Variants in WDPCP observed in about 807,000 individuals in gnomAD.
The protein encoded by WDPCP is WD repeat containing planar cell polarity effector.
WDPCP carries 71 observed loss-of-function variants against 93.1 expected under a neutral mutation model. That is an observed-to-expected ratio of 0.76 (90% CI 0.63 to 0.93). The LOEUF is 0.93. WDPCP is among the 40% of genes least tolerant of loss of function. WDPCP has a pLI of 0.00. For synonymous variants in WDPCP, 315 were observed against 315.0 expected (o/e 1.00, Z 0.00); for missense variants, 844 against 887.4 (o/e 0.95, Z 0.62).
chr2:63,531,224 C>T (rs560544446), intron 1 of WDPCP, among the ~76,000 whole-genome samples: 24 of 152,328 alleles, frequency 1.6e-4, no homozygotes, highest in African/African-American at 4.6e-4. Flanking sequence ...CACACCTCAA[C>T]GAGGCCTGCC....
At chr2:63,448,810 GT>G (rs1460124993) in intron 6 of WDPCP, among the ~76,000 whole-genome samples, 2 of 152,086 alleles carry the variant, frequency 1.3e-5, no homozygotes, top group African/African-American at 4.8e-5. Flanking sequence ...ATCTAAAAAA[GT>G]AAAACTCATA....
intron 14 of WDPCP, among the ~76,000 whole-genome samples, chr2:63,189,365 C>T (rs554344307): frequency 2.6e-5 from 4 of 152,308 alleles, no homozygotes; most frequent in African/African-American, 9.6e-5. Flanking sequence ...CTCTCTTACC[C>T]TCTCAGGCAC....
chr2:63,697,326 C>T lies in WDPCP; in HGVS notation n.309-46488G>A, dbSNP rs199910755. Among the ~76,000 whole-genome samples, 12 of 152,250 alleles carry T rather than the reference C, an allele frequency of 7.9e-5. No individual in the cohort carries two copies. The East Asian group carries it at 1.9e-3, about 24-fold the overall frequency. ...CAGAAATTATTTCAGTTAAAGGACA[C>T]GCCCAAGGGTCACACGGTAAGTGAT... is the stretch of plus-strand genomic sequence containing the variant. On this transcript the variant is annotated intron_variant and non_coding_transcript_variant, in intron 2 of 4. Coordinates refer to the WDPCP transcript ENST00000467687.
rs138354919 is a variant in WDPCP, at chr2:63,190,503, T to C, written c.1916-15671A>G. Among the ~76,000 whole-genome samples the C allele has an allele frequency of 4.8e-3, 727 of 152,158 alleles. 5 individuals carry two copies. Among genetic ancestry groups the C allele is most frequent in the Middle Eastern group, 0.01 (3 of 290 alleles). On this transcript the variant is annotated intron_variant, in intron 14 of 17. Transcript: ENST00000272321. ...GCTAAAGGACATATTTTGGGTCCTT[T>C]ATATTTGTAAATATGTTTAAATTGT...
intron 2 of WDPCP, among the ~76,000 whole-genome samples, chr2:63,810,639 A>T (rs984146485): frequency 6.6e-6 from 1 of 152,186 alleles, no homozygotes; most frequent in Non-Finnish European, 1.5e-5. Flanking sequence ...GAAACCAGGC[A>T]AGTACCAAAT....
At position 63,446,276 on chromosome 2, in the gene WDPCP, G is replaced by A. The variant is rs191643003; in HGVS notation, c.385-6405C>T. ...GGTGAGTGGGCAAGCATTACCGCCT[G>A]AGCTCTACCCCCTGTCAGATCAGCT... On this transcript the variant is annotated intron_variant, in intron 6 of 17. Coordinates refer to ENST00000272321, the MANE Select transcript of WDPCP (RefSeq NM_015910.7). Among the ~76,000 whole-genome samples the A allele has an allele frequency of 3.6e-3, 547 of 152,252 alleles. 4 individuals are homozygous for A. The highest frequency in any genetic ancestry group is 0.013 in the African/African-American group (531 of 41,546).
intron 2 of WDPCP, among the ~76,000 whole-genome samples, chr2:63,758,869 C>G (rs1410218546): frequency 1.3e-5 from 2 of 152,058 alleles, no homozygotes; most frequent in Non-Finnish European, 2.9e-5. Flanking sequence ...CCTCAGACTC[C>G]CGAGTTCAAG....
At chr2:63,416,146 G>T (rs1283972973) in intron 9 of WDPCP, among the ~76,000 whole-genome samples, 1 of 150,340 alleles carries the variant, frequency 6.7e-6, no homozygotes, top group Non-Finnish European at 1.5e-5. Flanking sequence ...TTATATAGAA[G>T]ATAAAAAGGA....
At chr2:63,591,648 A>G (rs1212034265), upstream of WDPCP, among the ~76,000 whole-genome samples, 1 of 152,178 alleles carries the variant, frequency 6.6e-6, no homozygotes, top group Non-Finnish European at 1.5e-5. Context: ...ATCTGTTCAT[A>G]CTTTATACCC....
chr2:63,698,422 C>T (rs554869670), intron 2 of WDPCP, among the ~76,000 whole-genome samples: 1 of 152,268 alleles, frequency 6.6e-6, no homozygotes, highest in South Asian at 2.1e-4. Flanking sequence ...ACTTCAAACT[C>T]ATTAATGCGT....
rs185239315 is a variant in WDPCP, at chr2:63,827,408, T to C, written n.222+214A>G. On this transcript the variant is annotated intron_variant and non_coding_transcript_variant, in intron 1 of 4. Transcript: ENST00000467687. ...TCAAACCAGTGCACAGGTTTTATGG[T>C]CTCCTATACATGTTGATTGCATATT... Among the ~76,000 whole-genome samples, 19 of 152,278 alleles carry C rather than the reference T, an allele frequency of 1.2e-4. No homozygotes were observed. In the East Asian group the frequency reaches 1.7e-3, roughly 14 times the overall value.
At chr2:63,261,437 T>C (rs1433872537) in intron 13 of WDPCP, among the ~76,000 whole-genome samples, 1 of 152,162 alleles carries the variant, frequency 6.6e-6, no homozygotes, top group Admixed American at 6.5e-5. Flanking sequence ...TTGAATATAC[T>C]CAATTAAAAG....
chr2:63,679,314 T>C (rs1353442484), intron 2 of WDPCP, among the ~76,000 whole-genome samples: 1 of 152,176 alleles, frequency 6.6e-6, no homozygotes, highest in African/African-American at 2.4e-5. Flanking sequence ...TTAATCTGTC[T>C]TCTACATTCT....
intron 3 of WDPCP, chr2:63,605,012 C>A: frequency 1.2e-6 from 1 of 804,146 alleles, no homozygotes; most frequent in Non-Finnish European, 1.9e-6. Flanking sequence ...GTAAGCCAGT[C>A]ATGATCTAGT....
At chr2:63,520,694 C>A (rs559714816) in intron 1 of WDPCP, among the ~76,000 whole-genome samples, 12 of 152,074 alleles carry the variant, frequency 7.9e-5, no homozygotes, top group African/African-American at 2.9e-4. Context: ...GAGTTTGAGA[C>A]CAGCCTGGGC....
At chr2:63,714,288 G>A (rs1223294671) in intron 2 of WDPCP, among the ~76,000 whole-genome samples, 1 of 151,838 alleles carries the variant, frequency 6.6e-6, no homozygotes, top group Non-Finnish European at 1.5e-5. Context: ...GGCTGGTCTC[G>A]AACTCCTGAC....
chr2:63,600,798 G>C (rs1228329393), intron 3 of WDPCP, among the ~76,000 whole-genome samples: 2 of 152,168 alleles, frequency 1.3e-5, no homozygotes, highest in Admixed American at 1.3e-4. Context: ...TGTTTGAATG[G>C]CAGGCAGTTT....
At chr2:63,820,538 C>T (rs1006098356) in intron 1 of WDPCP, among the ~76,000 whole-genome samples, 1 of 152,154 alleles carries the variant, frequency 6.6e-6, no homozygotes, top group Non-Finnish European at 1.5e-5. Flanking sequence ...GGCAGACAGT[C>T]TTGACAAACC....
chr2:63,812,588 A>G (rs543981100), intron 2 of WDPCP, among the ~76,000 whole-genome samples: 6 of 152,022 alleles, frequency 3.9e-5, no homozygotes, highest in Admixed American at 2.6e-4. Context: ...GTTTTTTTCA[A>G]TTTTTTAATA....
Sources: allele counts gnomAD v4.1 joint callset (sites outside exome capture counted in the v4.1 genomes callset), GRCh38; gene constraint gnomAD v4.1.1; transcripts MANE v1.5; gene names NCBI Gene and HGNC (gene_info 2026-07-23, HGNC 2026-07-21).